AGMO: variants seen among roughly 807,000 people sequenced by gnomAD.
The protein encoded by AGMO is glyceryl-ether monooxygenase.
AGMO carries 75 observed loss-of-function variants against 60.2 expected under a neutral mutation model. That is an observed-to-expected ratio of 1.25 (90% CI 1.03 to 1.51). The LOEUF (loss-of-function observed/expected upper bound fraction) is 1.51. Among genes scored for constraint, AGMO ranks in the 40% most tolerant of loss-of-function variants. The probability of loss-of-function intolerance (pLI) is 0.00; values close to 1 mark genes in which losing one functional copy is unlikely to be tolerated. For missense variants in AGMO, 763 were observed against 525.5 expected, an observed-to-expected ratio of 1.45 and a Z score of -4.42; for synonymous variants, 261 against 177.1, an observed-to-expected ratio of 1.47 and a Z score of -3.76.
chr7:15,471,078 A>G (rs7803414), intron 3 of AGMO, among the ~76,000 whole-genome samples: 20,881 of 151,782 alleles, frequency 0.14, 1,556 homozygotes, highest in Non-Finnish European at 0.16. Context: ...AAATGGACAA[A>G]TTTTCCTAAG....
chr7:15,172,144 G>GTTAGTC, the AGMO span, among the ~76,000 whole-genome samples: 1 of 152,150 alleles, frequency 6.6e-6, no homozygotes, highest in Non-Finnish European at 1.5e-5. Context: ...ATTGTTTGTA[G>GTTAGTC]TTAGTCTTCA....
intron 12 of AGMO, among the ~76,000 whole-genome samples, chr7:15,218,282 C>A (rs1781805574): frequency 6.6e-6 from 1 of 150,810 alleles, no homozygotes; most frequent in South Asian, 2.1e-4. Context: ...TATCTTCCTT[C>A]AGAGGAATGA....
intron 12 of AGMO, among the ~76,000 whole-genome samples, chr7:15,261,138 C>G (rs1170041721): frequency 6.6e-6 from 1 of 151,620 alleles, no homozygotes; most frequent in East Asian, 1.9e-4. Flanking sequence ...AAACCCAAGC[C>G]CAACAGAAGA....
chr7:15,329,229 TTTAA>T (rs1301738739), intron 12 of AGMO, among the ~76,000 whole-genome samples: 3 of 152,220 alleles, frequency 2.0e-5, no homozygotes, highest in East Asian at 1.9e-4. Flanking sequence ...TTTGATATAC[TTTAA>T]TTGTTTCGGT....
chr7:15,355,676 GAA>G (rs1782504038), intron 12 of AGMO, among the ~76,000 whole-genome samples: 1 of 151,976 alleles, frequency 6.6e-6, no homozygotes, highest in Non-Finnish European at 1.5e-5. Flanking sequence ...GCACTATATG[GAA>G]AAAATTGATG....
At chr7:15,501,882 A>C (rs1783394890) in intron 3 of AGMO, among the ~76,000 whole-genome samples, 1 of 152,040 alleles carries the variant, frequency 6.6e-6, no homozygotes, top group African/African-American at 2.4e-5. Flanking sequence ...GATTTCAAGG[A>C]GCTTTCCCTA....
intron 2 of AGMO, among the ~76,000 whole-genome samples, chr7:15,557,997 TTCTCTC>T (rs5882526): frequency 1.7e-4 from 26 of 149,380 alleles, no homozygotes; most frequent in Non-Finnish European, 3.0e-4. Context: ...CTTTTTTTCC[TTCTCTC>T]TCTCTCTCTC....
At chr7:15,318,988 C>A (rs1243685187) in intron 12 of AGMO, among the ~76,000 whole-genome samples, 1 of 152,066 alleles carries the variant, frequency 6.6e-6, no homozygotes, top group Admixed American at 6.6e-5. Context: ...CTCCCTTTGT[C>A]TTCTCTGATT....
intron 12 of AGMO, among the ~76,000 whole-genome samples, chr7:15,242,403 T>C (rs1782618074): frequency 1.3e-5 from 2 of 152,140 alleles, no homozygotes; most frequent in Non-Finnish European, 2.9e-5. Context: ...GGTTGTAGGG[T>C]AAAATTGGGC....
intron 12 of AGMO, among the ~76,000 whole-genome samples, chr7:15,280,658 C>T (rs1038377809): frequency 3.3e-5 from 5 of 152,206 alleles, no homozygotes; most frequent in African/African-American, 1.2e-4. Context: ...GCAAATGCCA[C>T]CTCTTGGCTG....
intron 3 of AGMO, among the ~76,000 whole-genome samples, chr7:15,530,834 C>CTATATATACATTTCTATATATATTT (rs1784297315): frequency 1.3e-5 from 1 of 79,088 alleles, no homozygotes. Flanking sequence ...TATATATATT[C>CTATATATACATTTCTATATATATTT]TATATATATA....
downstream of AGMO, among the ~76,000 whole-genome samples, chr7:15,196,340 C>T (rs572886220): frequency 3.3e-5 from 5 of 152,140 alleles, no homozygotes; most frequent in Admixed American, 6.6e-5. Context: ...TGAGCCACCA[C>T]GCCCGGCTGG....
chr7:15,539,652 T>C (rs910233434), intron 3 of AGMO, among the ~76,000 whole-genome samples: 2 of 152,218 alleles, frequency 1.3e-5, no homozygotes, highest in African/African-American at 4.8e-5. Flanking sequence ...TTTGGGCATA[T>C]ACTCAATAAC....
At chr7:15,125,112 G>A in the AGMO span, among the ~76,000 whole-genome samples, 1 of 152,108 alleles carries the variant, frequency 6.6e-6, no homozygotes, top group Non-Finnish European at 1.5e-5. Context: ...ATTTTTCATC[G>A]CATCCAAAAC....
chr7:15,135,966 T>C, the AGMO span, among the ~76,000 whole-genome samples: 1 of 134,174 alleles, frequency 7.5e-6, no homozygotes, highest in Admixed American at 8.7e-5. Context: ...TTTAATATTA[T>C]ATTTTTTCTT....
chr7:15,547,402 G>T (rs574044604), intron 2 of AGMO, among the ~76,000 whole-genome samples: 1,522 of 151,806 alleles, frequency 0.01, 17 homozygotes, highest in African/African-American at 0.035. Context: ...TCCATCTGAG[G>T]TACCGGGTTC....
rs2128482727 is a variant in AGMO at position 15,384,808 on chromosome 7, TG to T, written c.1074+637del. Among the ~76,000 whole-genome samples, 3 of 122,140 alleles carry T rather than the reference TG, an allele frequency of 2.5e-5. No homozygotes were observed. The South Asian group carries it at 8.3e-4, about 34-fold the overall frequency. The allele number at this position is 122,140 out of a possible 152,430, so 80.1% of individuals were successfully genotyped here. On this transcript the variant is annotated intron_variant, in intron 10 of 12. Coordinates refer to ENST00000342526, the MANE Select transcript of AGMO (RefSeq NM_001004320.2). The stretch of plus-strand genomic sequence containing the variant: ...TACAAATAAATCTATAAAAAATACC[TG>T]TTTTTCTCTTTTTTTTTTTTTTTTT...
the AGMO span, among the ~76,000 whole-genome samples, chr7:15,178,448 T>G: frequency 6.6e-6 from 1 of 152,188 alleles, no homozygotes. Flanking sequence ...ACTTGGTTCC[T>G]TAGTTCATGG....
intron 3 of AGMO, among the ~76,000 whole-genome samples, chr7:15,523,024 T>G (rs1369175072): frequency 6.6e-6 from 1 of 152,092 alleles, no homozygotes; most frequent in Non-Finnish European, 1.5e-5. Flanking sequence ...TATCAAAAAG[T>G]GGGCAAAGGA....
Sources: gnomAD v4.1 joint callset for allele counts (sites outside exome capture counted in the v4.1 genomes callset) on GRCh38, gnomAD v4.1.1 for gene constraint, MANE v1.5 for transcripts, NCBI Gene and HGNC (gene_info 2026-07-23, HGNC 2026-07-21) for gene names.